Variants in ZFP64 observed in about 807,000 individuals in gnomAD.
The protein encoded by ZFP64 is ZFP64 zinc finger protein.
A neutral mutation model predicts 51.6 loss-of-function variants in ZFP64; 14 were observed. The observed-to-expected ratio is 0.27, with a 90% confidence interval of 0.18 to 0.42. The LOEUF (loss-of-function observed/expected upper bound fraction) is 0.42. Ranked by LOEUF, ZFP64 falls within the 10% of genes least tolerant of loss-of-function variation. ZFP64 has a pLI of 1.00. For synonymous variants in ZFP64, 375 were observed against 361.4 expected (o/e 1.04, Z -0.43); for missense variants, 754 against 906.8 (o/e 0.83, Z 2.16).
chr20:52,119,533 A>AATATATAT (rs71192595), intron 5 of ZFP64, among the ~76,000 whole-genome samples: 48 of 89,832 alleles, frequency 5.3e-4, no homozygotes, highest in African/African-American at 1.9e-3. Flanking sequence ...AAAAAAAAAA[A>AATATATAT]ATATATATAT....
At chr20:52,177,799 G>A (rs1983340576) in intron 2 of ZFP64, among the ~76,000 whole-genome samples, 1 of 152,200 alleles carries the variant, frequency 6.6e-6, no homozygotes, top group Non-Finnish European at 1.5e-5. Context: ...TTGGGAGGCT[G>A]AGGCGGGCAG....
At chr20:52,121,783 C>T (rs565875223) in intron 5 of ZFP64, among the ~76,000 whole-genome samples, 1 of 152,294 alleles carries the variant, frequency 6.6e-6, no homozygotes, top group Non-Finnish European at 1.5e-5. Context: ...CCATTTAGGA[C>T]ATTCATAGCT....
intron 5 of ZFP64, among the ~76,000 whole-genome samples, chr20:52,116,512 TA>T (rs1978882348): frequency 6.6e-6 from 1 of 151,818 alleles, no homozygotes. Context: ...AAGAATTAAC[TA>T]AAATAAATAA....
chr20:52,169,448 G>A (rs1199451362), intron 2 of ZFP64, among the ~76,000 whole-genome samples: 2 of 152,164 alleles, frequency 1.3e-5, no homozygotes, highest in East Asian at 3.9e-4. Flanking sequence ...GCTGGAAGGT[G>A]TTCACAGTGG....
At chr20:52,179,216 G>GC (rs1275039712) in intron 2 of ZFP64, among the ~76,000 whole-genome samples, 24 of 152,112 alleles carry the variant, frequency 1.6e-4, no homozygotes, top group African/African-American at 5.8e-4. Context: ...TTCAAGATGT[G>GC]CCTTTCACCT....
chr20:52,184,226 G>A (rs1354651658), intron 2 of ZFP64, among the ~76,000 whole-genome samples: 1 of 152,120 alleles, frequency 6.6e-6, no homozygotes, highest in Non-Finnish European at 1.5e-5. Flanking sequence ...GAAACTTATG[G>A]ACTCAGTCAG....
chr20:52,133,691 T>G (rs568035840), intron 5 of ZFP64, among the ~76,000 whole-genome samples: 80 of 152,272 alleles, frequency 5.3e-4, no homozygotes, highest in African/African-American at 1.5e-3. Context: ...ACTTCAGGGA[T>G]TCCCCTTTGG....
intron 2 of ZFP64, 52 bp from the exon 3 acceptor site, chr20:52,166,077 T>C (rs1373419478): frequency 2.0e-6 from 3 of 1,536,018 alleles, no homozygotes; most frequent in Admixed American, 4.2e-5. Context: ...CCGCTAGCTA[T>C]GGTGTCTGCC....
chr20:52,188,674 A>G (rs1262535561), intron 1 of ZFP64, among the ~76,000 whole-genome samples: 1 of 151,956 alleles, frequency 6.6e-6, no homozygotes, highest in Non-Finnish European at 1.5e-5. Flanking sequence ...ATACCTGGAA[A>G]GCACTTAGTG....
In ZFP64 at chr20:52,160,394, C is replaced by G. The variant is rs755136204; in HGVS notation, c.512-20G>C. The stretch of plus-strand genomic sequence containing the variant: ...TGTCTCCTTCAAACACATACACACA[C>G]AGATGGCAGCAGGAAACAAGATTAA... On this transcript the variant is annotated intron_variant, in intron 4 of 5. Transcript: ENST00000216923. This position sits in a 1 kb window ranked among gnomAD's most constrained non-coding sequence, Gnocchi z 4.2. The G allele has an allele frequency of 4.4e-5, 69 of 1,577,370 alleles. No individual in the cohort carries two copies. Among genetic ancestry groups the G allele is most frequent in the Admixed American group, 2.4e-4 (13 of 53,372 alleles).
chr20:52,110,288 G>A (rs557697071), intron 5 of ZFP64: 2 of 396,662 alleles, frequency 5.0e-6, no homozygotes, highest in Non-Finnish European at 9.0e-6. Context: ...ACAGCCAGCA[G>A]GTTAACTCTC....
downstream of ZFP64, among the ~76,000 whole-genome samples, chr20:52,148,710 A>G (rs1213297300): frequency 6.6e-6 from 1 of 152,050 alleles, no homozygotes; most frequent in Non-Finnish European, 1.5e-5. Flanking sequence ...AAACAAGAAA[A>G]AAAAAAAAAA....
At chr20:52,128,534 T>TAGA (rs968742714) in intron 5 of ZFP64, among the ~76,000 whole-genome samples, 55 of 152,324 alleles carry the variant, frequency 3.6e-4, no homozygotes, top group African/African-American at 1.3e-3. Flanking sequence ...ACATTTACAG[T>TAGA]ATTAATAAAT....
At chr20:52,130,087 A>G (rs528123454) in intron 5 of ZFP64, among the ~76,000 whole-genome samples, 2 of 151,936 alleles carry the variant, frequency 1.3e-5, no homozygotes, top group African/African-American at 2.4e-5. Context: ...CTTTGTTCCA[A>G]TCTCAACTTC....
intron 2 of ZFP64, among the ~76,000 whole-genome samples, chr20:52,179,734 A>G (rs1310539266): frequency 6.6e-6 from 1 of 152,200 alleles, no homozygotes; most frequent in Non-Finnish European, 1.5e-5. Context: ...ACTCATTGCA[A>G]TAAGGAAAAC....
At chr20:52,119,561 T>A (rs1254177365) in intron 5 of ZFP64, among the ~76,000 whole-genome samples, 1 of 89,352 alleles carries the variant, frequency 1.1e-5, no homozygotes, top group Non-Finnish European at 2.5e-5. Flanking sequence ...TATACATATA[T>A]ATATATACAC....
At chr20:52,120,737 C>T (rs1022289256) in intron 5 of ZFP64, among the ~76,000 whole-genome samples, 27 of 124,198 alleles carry the variant, frequency 2.2e-4, no homozygotes, top group African/African-American at 7.2e-4. Context: ...AGTGCAGTGG[C>T]GTGATCTCGG....
intron 2 of ZFP64, among the ~76,000 whole-genome samples, chr20:52,181,322 G>A (rs747618377): frequency 3.3e-5 from 5 of 152,046 alleles, no homozygotes; most frequent in Non-Finnish European, 4.4e-5. Context: ...GAGGCCTTAC[G>A]CAGCCAAGAT....
At chr20:52,131,747 A>G (rs1201661093) in intron 5 of ZFP64, among the ~76,000 whole-genome samples, 1 of 152,196 alleles carries the variant, frequency 6.6e-6, no homozygotes, top group Non-Finnish European at 1.5e-5. Context: ...CTAAAGAGAG[A>G]GTTAGGCCCT....
Sources: allele counts gnomAD v4.1 joint callset (sites outside exome capture counted in the v4.1 genomes callset), GRCh38; gene constraint gnomAD v4.1.1; non-coding constraint Gnocchi (gnomAD v3.1); transcripts MANE v1.5; gene names NCBI Gene and HGNC (gene_info 2026-07-23, HGNC 2026-07-21).